Variants in TEK observed in about 807,000 individuals in gnomAD.
TEK encodes the protein angiopoietin-1 receptor.
Under a neutral mutation model 131.8 loss-of-function variants are expected in TEK, and 43 were observed. That is an observed-to-expected ratio of 0.33 (90% CI 0.26 to 0.42). TEK has a LOEUF of 0.42. TEK is among the 10% of genes least tolerant of loss of function. The pLI is 1.00. For missense variants in TEK, 1,162 were observed against 1,384.4 expected (o/e 0.84, Z 2.55); for synonymous variants, 580 against 491.6 (o/e 1.18, Z -2.38).
chr9:27,206,619 T>G lies in TEK; in HGVS notation c.2402T>G (p.Leu801Arg), dbSNP rs1825409656. 6.2e-7 allele frequency: 1 copy of G among 1,613,942 alleles called. No homozygotes were observed. Among genetic ancestry groups the G allele is most frequent in the Non-Finnish European group, 8.5e-7 (1 of 1,179,992 alleles). The stretch of plus-strand genomic sequence containing the variant: ...GCTGTGCAGTTCAACTCAGGGACTC[T>G]GGCCCTAAACAGGAAGGTCAAAAAC... ...EPAVQFNSGT[L>R]ALNRKVKNNP... is the part of the protein sequence containing the mutation. Residue 801 changes from leucine (L) to arginine (R), a missense_variant, in exon 15 of 23, where the codon CTG (leucine) becomes CGG (arginine). Transcript: ENST00000380036.
At chr9:27,226,904 G>A (rs7024828) in intron 21 of TEK, among the ~76,000 whole-genome samples, 71,819 of 151,810 alleles carry the variant, frequency 0.47, 17,173 homozygotes, top group Admixed American at 0.57. Flanking sequence ...AGGTTGAGCA[G>A]ATAATTTATT....
At chr9:27,213,020 T>A in intron 17 of TEK, 123 bp downstream of exon 17, 1 of 1,076,956 alleles carries the variant, frequency 9.3e-7, no homozygotes, top group Non-Finnish European at 1.4e-6. Flanking sequence ...TCTCCCTCAT[T>A]TTAATCTCTC....
intron 1 of TEK, among the ~76,000 whole-genome samples, chr9:27,113,376 G>C (rs1464959198): frequency 2.0e-5 from 3 of 152,082 alleles, no homozygotes; most frequent in African/African-American, 7.2e-5. Flanking sequence ...GGATCATGAG[G>C]TCAAGAGATC....
chr9:27,170,598 T>C (rs571126804), intron 4 of TEK, among the ~76,000 whole-genome samples: 3 of 94,756 alleles, frequency 3.2e-5, no homozygotes, highest in African/African-American at 1.1e-4. Context: ...AGCAAGACCT[T>C]GTCTCAAAAA....
intron 16 of TEK, among the ~76,000 whole-genome samples, chr9:27,211,461 GATAGA>G (rs1825628913): frequency 3.8e-5 from 1 of 26,316 alleles, no homozygotes; most frequent in Non-Finnish European, 6.1e-5. Context: ...TTTTGAGATA[GATAGA>G]TAGATAGATA....
chr9:27,144,805 T>C (rs1822855160), intron 1 of TEK, among the ~76,000 whole-genome samples: 1 of 152,160 alleles, frequency 6.6e-6, no homozygotes, highest in Admixed American at 6.5e-5. Flanking sequence ...ATGTCCCCTC[T>C]AGTGAGCTGG....
At chr9:27,192,752 G>A (rs1034857428) in intron 11 of TEK, 129 bp downstream of exon 11, 31 of 920,888 alleles carry the variant, frequency 3.4e-5, no homozygotes, top group Admixed American at 6.0e-5. Context: ...GCAGGAGTTC[G>A]CTTTTGAATG....
At chr9:27,165,369 A>C (rs1261174850) in intron 2 of TEK, among the ~76,000 whole-genome samples, 1 of 152,116 alleles carries the variant, frequency 6.6e-6, no homozygotes, top group Non-Finnish European at 1.5e-5. Flanking sequence ...TGCCACAGAG[A>C]GCAAGAGCTG....
chr9:27,139,788 AAGAG>A (rs1006966035), intron 1 of TEK, among the ~76,000 whole-genome samples: 3 of 151,992 alleles, frequency 2.0e-5, no homozygotes, highest in African/African-American at 7.3e-5. Context: ...GAGGGAGAGG[AAGAG>A]AGAGTGTGTG....
intron 1 of TEK, among the ~76,000 whole-genome samples, chr9:27,142,745 A>T (rs1483425987): frequency 6.6e-6 from 1 of 152,364 alleles, no homozygotes; most frequent in Admixed American, 6.5e-5. Flanking sequence ...TATGAATTCT[A>T]TCACTGTTCC....
At chr9:27,112,483 TC>T (rs973007816) in intron 1 of TEK, among the ~76,000 whole-genome samples, 11 of 152,194 alleles carry the variant, frequency 7.2e-5, no homozygotes, top group African/African-American at 2.7e-4. Flanking sequence ...TCTCAGCATT[TC>T]CCTTTCAGCC....
rs368851681 is a variant in TEK at position 27,208,348 on chromosome 9, T to TG, written c.2576-773_2576-772insG. On this transcript the variant is annotated intron_variant, in intron 15 of 22. Transcript: ENST00000380036. ...TCCTTTCCTTGCCACCCAATGTGTG[T>TG]TTTTTTTTTTAAAGCAGCCATAGCT... Among the ~76,000 whole-genome samples the TG allele has an allele frequency of 7.7e-3, 891 of 115,270 alleles. 43 individuals are homozygous for TG. In the East Asian group the frequency reaches 0.16, roughly 21 times the overall value. The allele number at this position is 115,270 out of a possible 152,430, so 75.6% of individuals were successfully genotyped here.
chr9:27,173,737 G>GTTTTTTTTTT (rs35971876), intron 6 of TEK, among the ~76,000 whole-genome samples: 1 of 93,984 alleles, frequency 1.1e-5, no homozygotes. Flanking sequence ...TTTTTTTTTG[G>GTTTTTTTTTT]TTTTTTTTTT....
At chr9:27,206,237 C>T (rs1054031369) in intron 14 of TEK, among the ~76,000 whole-genome samples, 3 of 152,212 alleles carry the variant, frequency 2.0e-5, no homozygotes, top group Non-Finnish European at 4.4e-5. Context: ...CAAACCAGAA[C>T]TGAACGCTTG....
chr9:27,203,942 A>C (rs1208877647), intron 13 of TEK, among the ~76,000 whole-genome samples: 1 of 152,356 alleles, frequency 6.6e-6, no homozygotes, highest in East Asian at 1.9e-4. Flanking sequence ...AGTCGCTTTA[A>C]CAGTGCTGAT....
chr9:27,159,169 T>C (rs1282105741), intron 2 of TEK, among the ~76,000 whole-genome samples: 3 of 152,208 alleles, frequency 2.0e-5, no homozygotes, highest in African/African-American at 7.2e-5. Context: ...CTTTGCTCAG[T>C]TCCTTATACT....
In TEK at chr9:27,197,323, C is replaced by T; in HGVS notation, c.1633C>T (p.Pro545Ser). The T allele has an allele frequency of 1.2e-6, 2 of 1,614,022 alleles. No individual in the cohort carries two copies. The highest frequency in any genetic ancestry group is 1.7e-6 in the Non-Finnish European group (2 of 1,179,960). ...RFTTASIGLPPPRGLNLLPKS... is the reference protein window; with the variant it reads ...RFTTASIGLPSPRGLNLLPKS... Reference sequence around the variant, plus strand: ...TTTCTGGATTCTCCTAGGACTCCCTCCTCCAAGAGGTCTAAATCTCCTGCC... The same window carrying T: ...TTTCTGGATTCTCCTAGGACTCCCTTCTCCAAGAGGTCTAAATCTCCTGCC... The change falls in exon 12 of 23, where the codon CCT (proline) becomes TCT (serine). Residue 545 changes from proline to serine, a missense_variant. Physicochemically the swap from Pro to Ser is moderately conservative, Grantham distance 74. Coordinates refer to ENST00000380036, the MANE Select transcript of TEK (RefSeq NM_000459.5).
At chr9:27,152,020 C>A (rs559493911) in intron 1 of TEK, among the ~76,000 whole-genome samples, 1 of 152,176 alleles carries the variant, frequency 6.6e-6, no homozygotes, top group African/African-American at 2.4e-5. Flanking sequence ...TTGCCAGTTC[C>A]CTGATTTCTG....
chr9:27,175,260 A>G (rs962460667), intron 6 of TEK, among the ~76,000 whole-genome samples: 2 of 150,540 alleles, frequency 1.3e-5, no homozygotes, highest in African/African-American at 4.9e-5. Context: ...TCCTTGTGAT[A>G]GTTTACTGAG....
Sources: allele counts gnomAD v4.1 joint callset (sites outside exome capture counted in the v4.1 genomes callset), GRCh38; gene constraint gnomAD v4.1.1; transcripts MANE v1.5; gene names NCBI Gene and HGNC (gene_info 2026-07-23, HGNC 2026-07-21).